The following CDH7 variants were observed in gnomAD, a reference collection of about 807,000 sequenced individuals.
The protein encoded by CDH7 is cadherin-7.
A neutral mutation model predicts 71.8 loss-of-function variants in CDH7; 25 were observed. That is an observed-to-expected ratio of 0.35 (90% confidence interval 0.25 to 0.49). The LOEUF (loss-of-function observed/expected upper bound fraction) is 0.49, where lower values mean the gene tolerates loss of function less well. Ranked by LOEUF, CDH7 falls within the 20% of genes least tolerant of loss-of-function variation. The pLI is 0.99. For missense variants in CDH7, 862 were observed against 974.6 expected (o/e 0.88, Z 1.54); for synonymous variants, 381 against 363.8 (o/e 1.05, Z -0.54).
At chr18:65,845,374 C>T (rs544520971) in intron 7 of CDH7, among the ~76,000 whole-genome samples, 2 of 151,812 alleles carry the variant, frequency 1.3e-5, no homozygotes, top group Non-Finnish European at 2.9e-5. Context: ...AGACCATTTC[C>T]GAGAGTATAA....
At chr18:65,752,431 T>C (rs1303543318) in intron 1 of CDH7, among the ~76,000 whole-genome samples, 1 of 152,182 alleles carries the variant, frequency 6.6e-6, no homozygotes, top group South Asian at 2.1e-4. Context: ...TAAAGGCAAA[T>C]TGTTATGGGA....
intron 10 of CDH7, among the ~76,000 whole-genome samples, chr18:65,861,415 G>A (rs1913561677): frequency 8.6e-6 from 1 of 115,956 alleles, no homozygotes; most frequent in Admixed American, 7.8e-5. Context: ...AAAACTTTTT[G>A]TATCAAGTCA....
At chr18:65,808,750 A>G (rs1911418539) in intron 2 of CDH7, among the ~76,000 whole-genome samples, 1 of 152,102 alleles carries the variant, frequency 6.6e-6, no homozygotes, top group East Asian at 1.9e-4. Flanking sequence ...TCTTAAGGGC[A>G]GTGAAAAGCT....
chr18:65,870,863 C>G (rs1913906746), intron 11 of CDH7, among the ~76,000 whole-genome samples: 1 of 152,164 alleles, frequency 6.6e-6, no homozygotes, highest in Non-Finnish European at 1.5e-5. Flanking sequence ...ATCTTCGTCT[C>G]TCTGTCTTCT....
intron 7 of CDH7, among the ~76,000 whole-genome samples, chr18:65,847,743 C>A (rs1479781431): frequency 1.3e-5 from 2 of 152,042 alleles, no homozygotes; most frequent in Non-Finnish European, 2.9e-5. Flanking sequence ...TAAAAAAACC[C>A]AAACCCCAGT....
intron 2 of CDH7, among the ~76,000 whole-genome samples, chr18:65,785,788 C>A (rs965637539): frequency 6.6e-6 from 1 of 152,076 alleles, no homozygotes; most frequent in African/African-American, 2.4e-5. Context: ...TTGCAAAATT[C>A]TTTCCTTTAG....
rs148575211 is a variant in CDH7 at position 65,794,880 on chromosome 18, C to T, written c.211-14824C>T. On this transcript the variant is annotated intron_variant, in intron 2 of 11. Coordinates refer to ENST00000397968, the MANE Select transcript of CDH7 (RefSeq NM_004361.5). Reference sequence around the variant, plus strand: ...AGTTTTCTCATGTATAAAATTAGGACGGTAATGCCTACCACAAAACTTTGT... The same window carrying T: ...AGTTTTCTCATGTATAAAATTAGGATGGTAATGCCTACCACAAAACTTTGT... Among the ~76,000 whole-genome samples, 1,022 of 152,184 alleles carry T rather than the reference C, an allele frequency of 6.7e-3. 4 individuals are homozygous for T. The highest frequency in any genetic ancestry group is 0.01 in the Middle Eastern group (3 of 294).
At chr18:65,775,739 A>T (rs1287327719) in intron 2 of CDH7, among the ~76,000 whole-genome samples, 1 of 152,204 alleles carries the variant, frequency 6.6e-6, no homozygotes, top group East Asian at 1.9e-4. Flanking sequence ...CCTGGGCTGC[A>T]TGTAGCCTGT....
intron 7 of CDH7, among the ~76,000 whole-genome samples, chr18:65,851,457 A>G (rs1599050935): frequency 6.6e-6 from 1 of 152,190 alleles, no homozygotes; most frequent in East Asian, 1.9e-4. Context: ...CTGTTTGTGA[A>G]CACTGATATG....
chr18:65,862,713 G>A lies in CDH7; in HGVS notation c.1660G>A (p.Glu554Lys), dbSNP rs747158201. The change falls in exon 11 of 12, where the codon GAA becomes AAA. Residue 554 changes from glutamate to lysine, a missense_variant. Glu to Lys is a moderately conservative substitution (Grantham distance 56). Transcript: ENST00000397968. ...LTRRNGFRRQEQSVYYLPIFI... is the reference protein window; with the variant it reads ...LTRRNGFRRQKQSVYYLPIFI... ...CAGGAGAAACGGCTTCCGGAGACAGGAACAATCAGTTTACTATCTGCCAAT... is the reference window on the plus strand; with the variant it reads ...CAGGAGAAACGGCTTCCGGAGACAGAAACAATCAGTTTACTATCTGCCAAT... 6.8e-6 allele frequency: 11 copies of A among 1,614,120 alleles called. No homozygotes were observed. In the South Asian group the frequency reaches 1.1e-4, roughly 16 times the overall value.
intron 11 of CDH7, among the ~76,000 whole-genome samples, chr18:65,877,134 G>T (rs1914095448): frequency 6.6e-6 from 1 of 152,106 alleles, no homozygotes; most frequent in Admixed American, 6.6e-5. Flanking sequence ...TACATGGTTA[G>T]AAATTAATAT....
chr18:65,870,967 G>T (rs767092770), intron 11 of CDH7, among the ~76,000 whole-genome samples: 2 of 151,972 alleles, frequency 1.3e-5, no homozygotes, highest in Non-Finnish European at 2.9e-5. Context: ...TGAAAATTTT[G>T]CAACCTTTTC....
intron 1 of CDH7, among the ~76,000 whole-genome samples, chr18:65,758,534 C>T (rs955427905): frequency 3.3e-5 from 5 of 152,166 alleles, no homozygotes; most frequent in Non-Finnish European, 7.3e-5. Flanking sequence ...TTTCCAAGTG[C>T]ATTCCACAAA....
intron 8 of CDH7, among the ~76,000 whole-genome samples, chr18:65,858,357 A>G (rs1364965910): frequency 1.3e-5 from 2 of 151,992 alleles, no homozygotes; most frequent in African/African-American, 2.4e-5. Context: ...AAAATAATAA[A>G]TAAAATAAAA....
At position 65,857,891 on chromosome 18, in the gene CDH7, C is replaced by T. The variant is rs757207186; in HGVS notation, c.1311C>T (p.Ala437=). 6.8e-6 allele frequency: 11 copies of T among 1,613,432 alleles called. No homozygotes were observed. In the Middle Eastern group the frequency reaches 6.6e-4, roughly 97 times the overall value. Residue 437 remains alanine (A), a synonymous_variant, in exon 8 of 12, where the codon GCC becomes GCT. Coordinates refer to ENST00000397968, the MANE Select transcript of CDH7 (RefSeq NM_004361.5). ...CCAACAGTGGGGTCATCACAACTGCCAAGTCTTTGGATCGAGAGACAAATG... is the reference window on the plus strand; with the variant it reads ...CCAACAGTGGGGTCATCACAACTGCTAAGTCTTTGGATCGAGAGACAAATG... ...IDANSGVITT[A]KSLDRETNAI...
In CDH7 at chr18:65,859,713, C is replaced by A; in HGVS notation, c.1500C>A (p.Ile500=). ...VCENAQPGQV[I]QKISAVDKDE... is the part of the protein sequence containing the mutation. ...TTTACTTTCTCTTTTCCTAGGTTATCCAGAAAATCAGTGCTGTGGATAAAG... is the reference window on the plus strand; with the variant it reads ...TTTACTTTCTCTTTTCCTAGGTTATACAGAAAATCAGTGCTGTGGATAAAG... The change falls in exon 10 of 12, where the codon ATC becomes ATA. Residue 500 remains isoleucine, a synonymous_variant. Coordinates refer to ENST00000397968, the MANE Select transcript of CDH7 (RefSeq NM_004361.5). 1 of 1,591,798 alleles carries A rather than the reference C, an allele frequency of 6.3e-7. No homozygotes were observed. Among genetic ancestry groups the A allele is most frequent in the South Asian group, 1.1e-5 (1 of 90,644 alleles).
chr18:65,801,803 A>T (rs1356743150), intron 2 of CDH7, among the ~76,000 whole-genome samples: 1 of 152,224 alleles, frequency 6.6e-6, no homozygotes, highest in Admixed American at 6.5e-5. Flanking sequence ...ACAAGTGTTG[A>T]CATTTTCTCC....
At chr18:65,765,226 G>A (rs1457451405) in intron 2 of CDH7, among the ~76,000 whole-genome samples, 1 of 151,874 alleles carries the variant, frequency 6.6e-6, no homozygotes, top group African/African-American at 2.4e-5. Flanking sequence ...AATTTGAGAT[G>A]GAAGGAGAAT....
intron 2 of CDH7, among the ~76,000 whole-genome samples, chr18:65,806,935 A>T (rs1911348372): frequency 6.6e-6 from 1 of 152,206 alleles, no homozygotes; most frequent in African/African-American, 2.4e-5. Flanking sequence ...TTTTAACCAC[A>T]GATGCTTACA....
Sources: gnomAD v4.1 joint callset for allele counts (sites outside exome capture counted in the v4.1 genomes callset) on GRCh38, gnomAD v4.1.1 for gene constraint, MANE v1.5 for transcripts, NCBI Gene and HGNC (gene_info 2026-07-23, HGNC 2026-07-21) for gene names.